The following ACACA variants were observed in gnomAD, a reference collection of about 807,000 sequenced individuals.
ACACA encodes the protein acetyl-CoA carboxylase 1.
A neutral mutation model predicts 296.1 loss-of-function variants in ACACA; 103 were observed. The observed-to-expected ratio is 0.35, with a 90% CI of 0.30 to 0.41. ACACA has a LOEUF of 0.41. Among genes scored for constraint, ACACA ranks in the 10% least tolerant of loss-of-function variants. The pLI is 1.00. For missense variants in ACACA, 1,554 were observed against 2,989.7 expected, an observed-to-expected ratio of 0.52 and a Z score of 11.20; for synonymous variants, 953 against 1,038.6, an observed-to-expected ratio of 0.92 and a Z score of 1.58.
At position 37,252,887 on chromosome 17, in the gene ACACA, T is replaced by C; in HGVS notation, c.1976A>G (p.Gln659Arg). The C allele has an allele frequency of 6.2e-7, 1 of 1,614,150 alleles. No individual in the cohort carries two copies. The highest frequency in any genetic ancestry group is 8.5e-7 in the Non-Finnish European group (1 of 1,180,020). Reference sequence around the variant, plus strand: ...ATCTGTTTGTGGAGAAATACACACCTGTACTTTTTCTGCTATCAGTCTGTC... The same window carrying C: ...ATCTGTTTGTGGAGAAATACACACCCGTACTTTTTCTGCTATCAGTCTGTC... ...WLDRLIAEKVQAERPDTMLGV... is the reference protein window; with the variant it reads ...WLDRLIAEKVRAERPDTMLGV... The change falls in exon 15 of 56, where the codon CAG (glutamine) becomes CGG (arginine). Residue 659 changes from glutamine (Q) to arginine (R), a missense_variant and splice_region_variant. Around this residue, in one of 16 missense-constraint regions of ACACA, gnomAD observed 316 missense variants for 540.9 expected, o/e 0.58. Coordinates refer to ENST00000616317, the MANE Select transcript of ACACA (RefSeq NM_198834.3).
intron 45 of ACACA, among the ~76,000 whole-genome samples, chr17:37,141,730 T>C (rs2075589807): frequency 6.6e-6 from 1 of 152,086 alleles, no homozygotes; most frequent in Non-Finnish European, 1.5e-5. Flanking sequence ...TTGCTGTTTT[T>C]GCCCAGGCTG....
chr17:37,164,791 C>A (rs1323501465), intron 41 of ACACA, among the ~76,000 whole-genome samples: 2 of 152,096 alleles, frequency 1.3e-5, no homozygotes, highest in Non-Finnish European at 2.9e-5. Flanking sequence ...AGAAAGATTG[C>A]GTTTTACACC....
At chr17:37,230,296 A>C (rs992785077) in intron 25 of ACACA, among the ~76,000 whole-genome samples, 1 of 151,154 alleles carries the variant, frequency 6.6e-6, no homozygotes, top group African/African-American at 2.4e-5. Context: ...AGGCAGGAGA[A>C]TCGCTTGAAC....
At position 37,259,530 on chromosome 17, in the gene ACACA, A is replaced by C; in HGVS notation, c.1330T>G (p.Cys444Gly). ...ACCATTTTGGCAAGTTTCACCGCAC[A>C]CTCAAAGAAGAGAGATAAGCAAACA... is the stretch of plus-strand genomic sequence containing the variant. ...TPAVFEHMEQ[C>G]AVKLAKMVGY... The change falls in exon 12 of 56, where the codon TGT (cysteine) becomes GGT (glycine). Residue 444 changes from cysteine to glycine, a missense_variant and splice_region_variant. By Grantham distance (159) the Cys-to-Gly change is radical (BLOSUM62 -3). This residue lies in a region of ACACA where 82 missense variants were observed against 185.2 expected (regional missense o/e 0.44). Transcript: ENST00000616317. The C allele has an allele frequency of 6.2e-7, 1 of 1,614,154 alleles. No homozygotes were observed. The highest frequency in any genetic ancestry group is 8.5e-7 in the Non-Finnish European group (1 of 1,180,020).
chr17:37,151,274 A>G (rs376165851), intron 44 of ACACA, 27 bp downstream of exon 44: 34 of 1,613,564 alleles, frequency 2.1e-5, no homozygotes, highest in Non-Finnish European at 2.7e-5. Flanking sequence ...CAGTTCTTCA[A>G]AAATTTCACA....
At chr17:37,121,184 T>C (rs372783250) in intron 50 of ACACA, among the ~76,000 whole-genome samples, 171 bp downstream of exon 50, 55 of 152,340 alleles carry the variant, frequency 3.6e-4, no homozygotes, top group African/African-American at 1.3e-3. Flanking sequence ...TTATAAAATG[T>C]ACTTTTTTCC....
chr17:37,310,810 A>G (rs1001871515), intron 3 of ACACA, among the ~76,000 whole-genome samples: 26 of 151,438 alleles, frequency 1.7e-4, no homozygotes, highest in Non-Finnish European at 3.1e-4. Context: ...AAAAAAAAAA[A>G]AAAAGAAAGA....
chr17:37,303,891 T>C (rs1349127372), intron 3 of ACACA, among the ~76,000 whole-genome samples: 1 of 152,154 alleles, frequency 6.6e-6, no homozygotes, highest in Non-Finnish European at 1.5e-5. Context: ...TTTTCCAGAG[T>C]GGCTGTATCA....
chr17:37,210,576 T>TG (rs1343839761), intron 29 of ACACA, 86 bp from the exon 30 acceptor site: 1 of 1,303,154 alleles, frequency 7.7e-7, no homozygotes, highest in Non-Finnish European at 1.1e-6. Flanking sequence ...AGACCAGTCA[T>TG]GAGGAGCTCC....
At chr17:37,242,503 G>A (rs954678842) in intron 22 of ACACA, among the ~76,000 whole-genome samples, 4 of 152,138 alleles carry the variant, frequency 2.6e-5, no homozygotes, top group Non-Finnish European at 5.9e-5. Context: ...CAAGGAGGGA[G>A]GATAGCTTGA....
chr17:37,204,208 C>T (rs1364986337), intron 33 of ACACA, among the ~76,000 whole-genome samples: 7 of 152,214 alleles, frequency 4.6e-5, no homozygotes, highest in African/African-American at 1.4e-4. Flanking sequence ...TAAGAGGACA[C>T]TTTGCTATCT....
chr17:37,404,920 C>A (rs1197239782), intron 1 of ACACA, among the ~76,000 whole-genome samples: 2 of 152,078 alleles, frequency 1.3e-5, no homozygotes, highest in African/African-American at 4.8e-5. Flanking sequence ...TTGCTCTCAA[C>A]CCTTCGTCAT....
intron 25 of ACACA, among the ~76,000 whole-genome samples, chr17:37,227,477 C>A (rs1345747419): frequency 1.3e-5 from 2 of 151,992 alleles, no homozygotes; most frequent in Non-Finnish European, 2.9e-5. Context: ...TTTGGGAGGT[C>A]AAGACAGGAG....
chr17:37,139,064 T>C (rs916232337), intron 45 of ACACA, among the ~76,000 whole-genome samples: 5 of 151,864 alleles, frequency 3.3e-5, no homozygotes, highest in Non-Finnish European at 1.5e-5. Flanking sequence ...AGGAGAGGGG[T>C]TGACAGAGTA....
At chr17:37,204,063 G>A (rs992242700) in intron 33 of ACACA, among the ~76,000 whole-genome samples, 3 of 152,134 alleles carry the variant, frequency 2.0e-5, no homozygotes, top group Non-Finnish European at 4.4e-5. Context: ...TGATGTGAAT[G>A]CCAATGGTAC....
intron 42 of ACACA, among the ~76,000 whole-genome samples, chr17:37,161,119 G>A (rs963160630): frequency 6.6e-6 from 1 of 152,196 alleles, no homozygotes; most frequent in African/African-American, 2.4e-5. Flanking sequence ...GAGTGGCAAT[G>A]TGCCAGGAAC....
At chr17:37,104,843 G>C (rs1187026731) in intron 52 of ACACA, among the ~76,000 whole-genome samples, 1 of 151,418 alleles carries the variant, frequency 6.6e-6, no homozygotes, top group African/African-American at 2.4e-5. Flanking sequence ...TTGGGACTGA[G>C]GTGGGAGAAT....
At chr17:37,089,811 G>A (rs1007002452) in intron 54 of ACACA, among the ~76,000 whole-genome samples, 1 of 152,302 alleles carries the variant, frequency 6.6e-6, no homozygotes, top group East Asian at 1.9e-4. Context: ...TAATTCAGGA[G>A]TGTGTTAGAA....
intron 42 of ACACA, among the ~76,000 whole-genome samples, chr17:37,157,344 G>C (rs1412456259): frequency 2.0e-5 from 3 of 152,120 alleles, no homozygotes; most frequent in Admixed American, 6.5e-5. Context: ...GCCAATGTGT[G>C]GAATGGTCAG....
Sources: allele counts gnomAD v4.1 joint callset (sites outside exome capture counted in the v4.1 genomes callset), GRCh38; gene constraint gnomAD v4.1.1; regional missense constraint gnomAD v4.1.1; transcripts MANE v1.5; gene names NCBI Gene and HGNC (gene_info 2026-07-23, HGNC 2026-07-21).